The following CHODL variants were observed in gnomAD, a reference collection of about 807,000 sequenced individuals.
The protein encoded by CHODL is transmembrane protein MT75.
A neutral mutation model predicts 34.5 loss-of-function variants in CHODL; 29 were observed. The observed-to-expected ratio is 0.84, with a 90% CI of 0.63 to 1.15. The LOEUF is 1.15. Ranked by LOEUF, CHODL falls within the 50% of genes most tolerant of loss-of-function variation. The pLI is 0.00. For missense variants in CHODL, 332 were observed against 332.5 expected (o/e 1.00, Z 0.01); for synonymous variants, 125 against 116.1 (o/e 1.08, Z -0.49).
intron 1 of CHODL, among the ~76,000 whole-genome samples, chr21:17,923,748 A>G (rs763309369): frequency 2.0e-5 from 3 of 152,138 alleles, no homozygotes; most frequent in Non-Finnish European, 2.9e-5. Context: ...GGCCTGAGCC[A>G]CTGTGCCTGG....
At chr21:17,988,203 T>C (rs953077437) in intron 1 of CHODL, among the ~76,000 whole-genome samples, 18 of 152,044 alleles carry the variant, frequency 1.2e-4, no homozygotes, top group Non-Finnish European at 2.4e-4. Context: ...AAACATTTGG[T>C]GTTTGTAGAA....
At chr21:18,040,488 T>C (rs779856175) in intron 2 of CHODL, among the ~76,000 whole-genome samples, 5 of 151,856 alleles carry the variant, frequency 3.3e-5, no homozygotes, top group Admixed American at 6.6e-5. Context: ...TGTTGAGATT[T>C]ATGGTGAGCT....
chr21:17,979,188 C>A (rs1939882468), intron 1 of CHODL, among the ~76,000 whole-genome samples: 2 of 152,130 alleles, frequency 1.3e-5, no homozygotes, highest in African/African-American at 4.8e-5. Context: ...AGAGATTAGC[C>A]ATGGACATCT....
At chr21:18,108,144 T>C (rs2065296862) in intron 2 of CHODL, among the ~76,000 whole-genome samples, 1 of 122,952 alleles carries the variant, frequency 8.1e-6, no homozygotes, top group Non-Finnish European at 1.6e-5. Flanking sequence ...CTCATCAGAT[T>C]CACTTTTTTT....
At chr21:17,975,310 G>T (rs915323253) in intron 1 of CHODL, among the ~76,000 whole-genome samples, 8 of 152,108 alleles carry the variant, frequency 5.3e-5, no homozygotes, top group African/African-American at 1.7e-4. Flanking sequence ...CGGGAGGAGG[G>T]AGAGGATTGA....
chr21:18,089,770 TAGG>T (rs2065049998), intron 2 of CHODL, among the ~76,000 whole-genome samples: 1 of 152,172 alleles, frequency 6.6e-6, no homozygotes, highest in Admixed American at 6.5e-5. Context: ...AAGAAGAGGA[TAGG>T]AGAATTCTAC....
At chr21:18,083,641 G>A (rs575663481) in intron 2 of CHODL, among the ~76,000 whole-genome samples, 6 of 152,374 alleles carry the variant, frequency 3.9e-5, no homozygotes, top group East Asian at 1.9e-4. Flanking sequence ...TGCCCTGGAT[G>A]TGAGACATGG....
chr21:18,180,039 T>G (rs1382792560), intron 2 of CHODL, among the ~76,000 whole-genome samples: 1 of 152,178 alleles, frequency 6.6e-6, no homozygotes, highest in Non-Finnish European at 1.5e-5. Context: ...AGTACCTAGT[T>G]TATAGTATTG....
intron 2 of CHODL, among the ~76,000 whole-genome samples, chr21:18,108,642 T>C (rs2065305339): frequency 6.6e-6 from 1 of 152,170 alleles, no homozygotes; most frequent in Admixed American, 6.5e-5. Context: ...TGTCAAGTGG[T>C]ATACATAAAT....
At chr21:18,172,103 G>A (rs2073239618) in intron 2 of CHODL, among the ~76,000 whole-genome samples, 1 of 152,180 alleles carries the variant, frequency 6.6e-6, no homozygotes, top group Non-Finnish European at 1.5e-5. Context: ...CTAAGAATAT[G>A]TCAGAGTTTT....
At chr21:18,198,190 A>G (rs1160165863) in intron 2 of CHODL, among the ~76,000 whole-genome samples, 1 of 152,220 alleles carries the variant, frequency 6.6e-6, no homozygotes, top group Non-Finnish European at 1.5e-5. Context: ...GCATTATACA[A>G]AGAACTTCCA....
At chr21:17,932,760 AT>A (rs1477620013) in intron 1 of CHODL, among the ~76,000 whole-genome samples, 1 of 152,172 alleles carries the variant, frequency 6.6e-6, no homozygotes, top group African/African-American at 2.4e-5. Context: ...GGTGTTTCTC[AT>A]TAGGTGGAAT....
intron 2 of CHODL, among the ~76,000 whole-genome samples, chr21:18,064,314 G>A (rs772087253): frequency 4.1e-4 from 63 of 152,120 alleles, no homozygotes; most frequent in Non-Finnish European, 2.5e-4. Flanking sequence ...CTTTGTCAGT[G>A]TTTTTACTGA....
At chr21:18,168,447 CTTTTT>C (rs2073184450) in intron 2 of CHODL, among the ~76,000 whole-genome samples, 1 of 152,090 alleles carries the variant, frequency 6.6e-6, no homozygotes, top group Non-Finnish European at 1.5e-5. Flanking sequence ...TAATGTCTGT[CTTTTT>C]TGTTTTAGCC....
At chr21:18,019,031 C>T (rs1030743529) in intron 1 of CHODL, among the ~76,000 whole-genome samples, 23 of 152,152 alleles carry the variant, frequency 1.5e-4, no homozygotes, top group Admixed American at 2.6e-4. Flanking sequence ...ATCTACTGAG[C>T]TATTTCACAT....
chr21:18,138,793 T>A (rs2072767946), intron 2 of CHODL, among the ~76,000 whole-genome samples: 1 of 152,116 alleles, frequency 6.6e-6, no homozygotes, highest in African/African-American at 2.4e-5. Flanking sequence ...GGAGTTGCAT[T>A]TTCTTAACTG....
chr21:18,141,162 A>G (rs2072797118), intron 2 of CHODL, among the ~76,000 whole-genome samples: 1 of 152,108 alleles, frequency 6.6e-6, no homozygotes. Context: ...TAAACCCAGA[A>G]AGGTGGACTT....
At chr21:18,209,742 G>A (rs866127259) in intron 2 of CHODL, among the ~76,000 whole-genome samples, 1 of 152,078 alleles carries the variant, frequency 6.6e-6, no homozygotes. Context: ...CAGCAGATGA[G>A]GAATCTTTCC....
chr21:18,186,957 T>C (rs2073449152), intron 2 of CHODL, among the ~76,000 whole-genome samples: 1 of 152,190 alleles, frequency 6.6e-6, no homozygotes, highest in South Asian at 2.1e-4. Flanking sequence ...TCTAGGGCTA[T>C]TGGTAGATGG....
Sources: allele counts gnomAD v4.1 joint callset (sites outside exome capture counted in the v4.1 genomes callset), GRCh38; gene constraint gnomAD v4.1.1; transcripts MANE v1.5; gene names NCBI Gene and HGNC (gene_info 2026-07-23, HGNC 2026-07-21).